Variants in JPH2 observed in about 807,000 individuals in gnomAD.
JPH2 encodes the protein junctophilin 2.
A neutral mutation model predicts 55.9 loss-of-function variants in JPH2; 38 were observed. The observed-to-expected ratio is 0.68, with a 90% confidence interval of 0.52 to 0.89. The LOEUF (loss-of-function observed/expected upper bound fraction) is 0.89, where lower values mean the gene tolerates loss of function less well. Among genes scored for constraint, JPH2 ranks in the 40% least tolerant of loss-of-function variants. The pLI is 0.00. For synonymous variants in JPH2, 480 were observed against 472.4 expected, an observed-to-expected ratio of 1.02 and a Z score of -0.21; for missense variants, 964 against 1,037.6, an observed-to-expected ratio of 0.93 and a Z score of 0.97.
At chr20:44,145,443 G>A (rs1275572459) in intron 2 of JPH2, among the ~76,000 whole-genome samples, 2 of 151,940 alleles carry the variant, frequency 1.3e-5, no homozygotes, top group South Asian at 2.1e-4. Flanking sequence ...CCGTCTCTAC[G>A]AAAAATACAA....
At chr20:44,182,393 G>A (rs371168317) in intron 1 of JPH2, among the ~76,000 whole-genome samples, 2 of 152,174 alleles carry the variant, frequency 1.3e-5, no homozygotes, top group Admixed American at 1.3e-4. Flanking sequence ...TGGATGTGGG[G>A]TCATCTCATC....
At chr20:44,184,010 A>C (rs77232911) in intron 1 of JPH2, among the ~76,000 whole-genome samples, 2 of 138,690 alleles carry the variant, frequency 1.4e-5, no homozygotes, top group Non-Finnish European at 3.1e-5. Context: ...AAAAAAAAAA[A>C]TTAGCCAGGT....
At chr20:44,145,134 T>G (rs2072484477) in intron 2 of JPH2, among the ~76,000 whole-genome samples, 1 of 152,046 alleles carries the variant, frequency 6.6e-6, no homozygotes, top group African/African-American at 2.4e-5. Context: ...TCAACACTCT[T>G]GGTCTGGGCC....
chr20:44,138,474 G>A (rs1364640360), intron 2 of JPH2, among the ~76,000 whole-genome samples: 1 of 152,126 alleles, frequency 6.6e-6, no homozygotes, highest in Non-Finnish European at 1.5e-5. Context: ...AACTTCCTGG[G>A]CTCAAGCTAT....
Position 44,172,692 on chromosome 20 carries a change from T to C in JPH2, c.380-12285A>G, listed in dbSNP as rs189073456. Among the ~76,000 whole-genome samples the C allele has an allele frequency of 2.0e-5, 3 of 152,282 alleles. No homozygotes were observed. The East Asian group carries it at 5.8e-4, about 29-fold the overall frequency. On this transcript the variant is annotated intron_variant, in intron 1 of 5. Transcript: ENST00000372980. ...TTTGTAGAGATGTGGTCTCGCTATG[T>C]TGCCCAGGCTGCTCTTGAACTCCTG...
At chr20:44,147,860 A>G (rs1489143242) in intron 2 of JPH2, among the ~76,000 whole-genome samples, 2 of 152,144 alleles carry the variant, frequency 1.3e-5, no homozygotes, top group Non-Finnish European at 2.9e-5. Context: ...ATGACTTAGG[A>G]CATGTTAAAA....
chr20:44,122,496 T>C (rs796884513), intron 2 of JPH2, among the ~76,000 whole-genome samples: 2 of 152,310 alleles, frequency 1.3e-5, no homozygotes, highest in African/African-American at 4.8e-5. Context: ...GAACAACCTA[T>C]GAAGAAAATT....
intron 2 of JPH2, among the ~76,000 whole-genome samples, chr20:44,144,390 C>T (rs1282718136): frequency 1.3e-5 from 2 of 152,156 alleles, no homozygotes; most frequent in Admixed American, 6.5e-5. Flanking sequence ...ACATGAAGCC[C>T]TCTACAAACA....
intron 2 of JPH2, among the ~76,000 whole-genome samples, chr20:44,124,290 G>A (rs2072260569): frequency 6.6e-6 from 1 of 151,922 alleles, no homozygotes; most frequent in Non-Finnish European, 1.5e-5. Flanking sequence ...GCTTTATGGG[G>A]CCAAAGGGGG....
intron 2 of JPH2, among the ~76,000 whole-genome samples, chr20:44,134,483 TAA>T (rs1415506860): frequency 0.017 from 118 of 6,758 alleles, 54 homozygotes; most frequent in East Asian, 0.096. Context: ...TATATATTTA[TAA>T]TATATATTTA....
intron 2 of JPH2, among the ~76,000 whole-genome samples, chr20:44,133,840 T>C (rs2072342520): frequency 7.9e-6 from 1 of 126,142 alleles, no homozygotes; most frequent in Non-Finnish European, 1.6e-5. Flanking sequence ...ATACTTATTA[T>C]AAATATATAT....
chr20:44,120,759 A>C (rs1022139106), intron 2 of JPH2, among the ~76,000 whole-genome samples: 1 of 152,232 alleles, frequency 6.6e-6, no homozygotes, highest in African/African-American at 2.4e-5. Context: ...AATCACAAAA[A>C]AAATCCCATA....
At chr20:44,179,072 T>A (rs2072759275) in intron 1 of JPH2, among the ~76,000 whole-genome samples, 1 of 152,180 alleles carries the variant, frequency 6.6e-6, no homozygotes, top group African/African-American at 2.4e-5. Flanking sequence ...CCAATCGTCA[T>A]AATTAAACAT....
chr20:44,147,432 T>C (rs1283688329), intron 2 of JPH2, among the ~76,000 whole-genome samples: 1 of 151,922 alleles, frequency 6.6e-6, no homozygotes, highest in African/African-American at 2.4e-5. Flanking sequence ...GGGAGGAAGA[T>C]AAATCTACAT....
At chr20:44,155,798 G>A (rs192663484) in intron 2 of JPH2, among the ~76,000 whole-genome samples, 2 of 152,300 alleles carry the variant, frequency 1.3e-5, no homozygotes, top group East Asian at 1.9e-4. Flanking sequence ...CACTTTGGGA[G>A]GCCAAAGCAA....
chr20:44,109,699 T>C lies in JPH2; in HGVS notation c.*3819A>G, dbSNP rs576102411. Reference sequence around the variant, plus strand: ...TTTATGTTTTACAGTTTAGGTATTATTTGTATTCTGAGTCACTTATTTGGG... The same window carrying C: ...TTTATGTTTTACAGTTTAGGTATTACTTGTATTCTGAGTCACTTATTTGGG... On this transcript the variant is annotated 3_prime_UTR_variant, in exon 6 of 6. Transcript: ENST00000372980. Among the ~76,000 whole-genome samples, 21 of 152,324 alleles carry C rather than the reference T, an allele frequency of 1.4e-4. No homozygotes were observed. The South Asian group carries it at 3.3e-3, about 24-fold the overall frequency.
chr20:44,134,864 AAATATATATAT>A (rs1569195674), intron 2 of JPH2, among the ~76,000 whole-genome samples: 3 of 110,394 alleles, frequency 2.7e-5, no homozygotes, highest in Non-Finnish European at 5.2e-5. Context: ...ATATATATAT[AAATATATATAT>A]TTATATATAT....
chr20:44,116,448 C>G, intron 3 of JPH2, 62 bp from the exon 4 acceptor site: 1 of 1,530,600 alleles, frequency 6.5e-7, no homozygotes, highest in Non-Finnish European at 8.8e-7. Flanking sequence ...TGATCCTGGG[C>G]CAGCCACTTC....
chr20:44,138,431 T>C (rs1048683747), intron 2 of JPH2, among the ~76,000 whole-genome samples: 1 of 152,050 alleles, frequency 6.6e-6, no homozygotes, highest in Non-Finnish European at 1.5e-5. Flanking sequence ...CAGGCTGGAG[T>C]GCAGTAGTGT....
Sources: allele counts gnomAD v4.1 joint callset (sites outside exome capture counted in the v4.1 genomes callset), GRCh38; gene constraint gnomAD v4.1.1; transcripts MANE v1.5; gene names NCBI Gene and HGNC (gene_info 2026-07-23, HGNC 2026-07-21).